AK9: variants seen among roughly 807,000 people sequenced by gnomAD.
AK9 encodes adenylate kinase domain containing 1.
AK9 carries 191 observed loss-of-function variants against 239.6 expected under a neutral mutation model. The observed-to-expected ratio is 0.80, with a 90% CI of 0.71 to 0.90. The LOEUF (loss-of-function observed/expected upper bound fraction) is 0.90. Ranked by LOEUF, AK9 falls within the 40% of genes least tolerant of loss-of-function variation. The probability of loss-of-function intolerance (pLI) is 0.00; values close to 1 mark genes in which losing one functional copy is unlikely to be tolerated. For missense variants in AK9, 1,995 were observed against 2,214.7 expected, an observed-to-expected ratio of 0.90 and a Z score of 1.99; for synonymous variants, 689 against 721.0, an observed-to-expected ratio of 0.96 and a Z score of 0.71.
At chr6:109,540,480 G>A (rs1020624641) in intron 27 of AK9, among the ~76,000 whole-genome samples, 17 of 152,282 alleles carry the variant, frequency 1.1e-4, no homozygotes, top group Admixed American at 5.9e-4. Context: ...GGAGTGACCC[G>A]ATTTTCCAGG....
chr6:109,670,211 AT>A (rs929736107), intron 5 of AK9, among the ~76,000 whole-genome samples: 6 of 152,256 alleles, frequency 3.9e-5, no homozygotes, highest in Non-Finnish European at 8.8e-5. Flanking sequence ...TTCAAAAAAA[AT>A]CAACTAAAAA....
At chr6:109,535,964 T>C (rs1376112247) in intron 27 of AK9, among the ~76,000 whole-genome samples, 1 of 152,218 alleles carries the variant, frequency 6.6e-6, no homozygotes, top group East Asian at 1.9e-4. Flanking sequence ...CATTGGTCTA[T>C]ATGTCTGTTT....
At chr6:109,644,570 A>C (rs980847555) in intron 9 of AK9, 44 bp downstream of exon 9, 2 of 1,508,670 alleles carry the variant, frequency 1.3e-6, no homozygotes, top group Non-Finnish European at 1.8e-6. Flanking sequence ...AATAGATTTA[A>C]ATTTTCCATG....
At chr6:109,523,991 T>C (rs1323285332) in intron 29 of AK9, among the ~76,000 whole-genome samples, 2 of 151,958 alleles carry the variant, frequency 1.3e-5, no homozygotes, top group South Asian at 2.1e-4. Flanking sequence ...ACTCAAAATA[T>C]GAAGAATTAT....
At chr6:109,644,990 T>C (rs1244183053) in intron 8 of AK9, among the ~76,000 whole-genome samples, 1 of 152,258 alleles carries the variant, frequency 6.6e-6, no homozygotes, top group Non-Finnish European at 1.5e-5. Context: ...CTTTGCTATT[T>C]GGTTTCTAAA....
At chr6:109,618,445 A>C (rs1794439604) in intron 13 of AK9, among the ~76,000 whole-genome samples, 1 of 151,400 alleles carries the variant, frequency 6.6e-6, no homozygotes, top group East Asian at 1.9e-4. Context: ...AAAAAACAAA[A>C]CGCTTTTTGT....
intron 17 of AK9, among the ~76,000 whole-genome samples, chr6:109,607,085 C>T (rs971089451): frequency 2.0e-5 from 3 of 151,972 alleles, no homozygotes; most frequent in Admixed American, 2.0e-4. Flanking sequence ...AGACAAAAAG[C>T]AATTTAATGG....
intron 24 of AK9, among the ~76,000 whole-genome samples, chr6:109,557,729 G>A (rs1167940768): frequency 6.6e-6 from 1 of 152,206 alleles, no homozygotes; most frequent in Non-Finnish European, 1.5e-5. Flanking sequence ...ATGGGCATGT[G>A]CTCTCCTTTC....
In AK9 at chr6:109,534,220, C is replaced by CAA. The variant is rs370974087; in HGVS notation, c.3351-752_3351-751dup. 6.4e-5 allele frequency among the ~76,000 whole-genome samples: 7 copies of CAA among 109,094 alleles called. No individual in the cohort carries two copies. In the South Asian group the frequency reaches 1.1e-3, roughly 17 times the overall value. The allele number at this position is 109,094 out of a possible 152,430, so 71.6% of individuals were successfully genotyped here. On this transcript the variant is annotated intron_variant, in intron 27 of 40. Transcript: ENST00000424296. ...GGGAAACAAGAGTGAAACTCCTTCT[C>CAA]AAAAAAAAAAAAGAAAAAAAAAGAA...
chr6:109,544,079 A>G (rs1200094599), intron 26 of AK9, among the ~76,000 whole-genome samples: 1 of 152,104 alleles, frequency 6.6e-6, no homozygotes, highest in African/African-American at 2.4e-5. Flanking sequence ...AGATCACACC[A>G]CTGCACTCTG....
At chr6:109,601,474 T>C (rs1016984999) in intron 17 of AK9, among the ~76,000 whole-genome samples, 3 of 152,076 alleles carry the variant, frequency 2.0e-5, no homozygotes, top group East Asian at 1.9e-4. Flanking sequence ...TTTACATTTG[T>C]TGAGGAGTGC....
chr6:109,497,783 G>T lies in AK9; in HGVS notation c.5216+13C>A. 1 of 1,608,850 alleles carries T rather than the reference G, an allele frequency of 6.2e-7. No individual in the cohort carries two copies. The highest frequency in any genetic ancestry group is 1.1e-5 in the South Asian group (1 of 90,932). On this transcript the variant is annotated intron_variant, in intron 37 of 40. Coordinates refer to ENST00000424296, the MANE Select transcript of AK9 (RefSeq NM_001145128.3). ...CAATATCATTCTATACTTCCATGAAGGCCAGGACTTGCCTTTGGTTTCCAT... is the reference window on the plus strand; with the variant it reads ...CAATATCATTCTATACTTCCATGAATGCCAGGACTTGCCTTTGGTTTCCAT...
At chr6:109,588,888 T>C (rs534265057) in intron 17 of AK9, among the ~76,000 whole-genome samples, 8 of 152,344 alleles carry the variant, frequency 5.3e-5, no homozygotes, top group African/African-American at 1.4e-4. Context: ...TAGTTGTAGG[T>C]ATGTGGCTTT....
chr6:109,687,913 G>C (rs2128367731), intron 1 of AK9, among the ~76,000 whole-genome samples: 1 of 152,288 alleles, frequency 6.6e-6, no homozygotes, highest in South Asian at 2.1e-4. Flanking sequence ...CTCAGAAGAG[G>C]CACTGAAAAA....
Position 109,516,571 on chromosome 6 carries a change from G to C in AK9, c.3705C>G (p.Ile1235Met). 1 of 1,551,082 alleles carries C rather than the reference G, an allele frequency of 6.4e-7. No individual in the cohort carries two copies. The highest frequency in any genetic ancestry group is 1.4e-5 in the African/African-American group (1 of 73,110). ...CATCTTTTGGAAACTCATCTTCAAG[G>C]ATGTTTTCAATATCATCATTGTCTT... ...LEEDNDDIEN[I>M]LEDEFPKDEE... Residue 1235 changes from isoleucine (I) to methionine (M), a missense_variant, in exon 30 of 41, where the codon ATC (isoleucine) becomes ATG (methionine). Physicochemically the swap from Ile to Met is conservative, Grantham distance 10 (BLOSUM62 1). This residue lies in a region of AK9 where 1,290 missense variants were observed against 1,392.7 expected (regional missense o/e 0.93). Coordinates refer to ENST00000424296, the MANE Select transcript of AK9 (RefSeq NM_001145128.3).
chr6:109,548,906 G>A (rs149307598), intron 25 of AK9, among the ~76,000 whole-genome samples: 70 of 152,256 alleles, frequency 4.6e-4, no homozygotes, highest in Middle Eastern at 3.4e-3. Context: ...AGGTGGCAGT[G>A]GTCCAGTCAA....
chr6:109,564,368 T>A (rs930249554), intron 22 of AK9, 88 bp from the exon 23 acceptor site: 23 of 1,006,416 alleles, frequency 2.3e-5, no homozygotes, highest in Non-Finnish European at 3.2e-5. Flanking sequence ...TACTTTGCAA[T>A]TTTTTTAAAC....
chr6:109,508,557 G>A (rs1265368328), intron 33 of AK9, among the ~76,000 whole-genome samples: 1 of 151,978 alleles, frequency 6.6e-6, no homozygotes, highest in African/African-American at 2.4e-5. Flanking sequence ...AAGTCAAAGA[G>A]GCTTCTAATA....
In AK9 at chr6:109,644,830, G is replaced by A. The variant is rs1423395514; in HGVS notation, c.760-142C>T. 5.3e-6 allele frequency: 3 copies of A among 569,806 alleles called. No individual in the cohort carries two copies. The Admixed American group carries it at 1.2e-4, about 22-fold the overall frequency. The allele number at this position is 569,806 out of a possible 1,614,324, so 35.3% of individuals were successfully genotyped here. The stretch of plus-strand genomic sequence containing the variant: ...TGCTATAATGTATGTTATTTTCAAT[G>A]CTCAAGAGATCTTTTGCAAAAGCTC... On this transcript the variant is annotated intron_variant, in intron 8 of 40. Coordinates refer to ENST00000424296, the MANE Select transcript of AK9 (RefSeq NM_001145128.3).
Sources: allele counts gnomAD v4.1 joint callset (sites outside exome capture counted in the v4.1 genomes callset), GRCh38; gene constraint gnomAD v4.1.1; regional missense constraint gnomAD v4.1.1; transcripts MANE v1.5; gene names NCBI Gene and HGNC (gene_info 2026-07-23, HGNC 2026-07-21).